The following CLSTN2 variants were observed in gnomAD, a reference collection of about 807,000 sequenced individuals.
CLSTN2 encodes calsyntenin 2, also known as calsyntenin-2.
A neutral mutation model predicts 101.2 loss-of-function variants in CLSTN2; 48 were observed. That is an observed-to-expected ratio of 0.47 (90% confidence interval 0.38 to 0.60). The LOEUF (loss-of-function observed/expected upper bound fraction) is 0.60, where lower values mean the gene tolerates loss of function less well. Among genes scored for constraint, CLSTN2 ranks in the 20% least tolerant of loss-of-function variants. The probability of loss-of-function intolerance (pLI) is 0.00; values close to 1 mark genes in which losing one functional copy is unlikely to be tolerated. For missense variants in CLSTN2, 1,160 were observed against 1,238.2 expected, an observed-to-expected ratio of 0.94 and a Z score of 0.95; for synonymous variants, 481 against 463.6, an observed-to-expected ratio of 1.04 and a Z score of -0.48.
chr3:139,963,073 C>T (rs1236747860), intron 1 of CLSTN2, among the ~76,000 whole-genome samples: 2 of 152,042 alleles, frequency 1.3e-5, no homozygotes, highest in Non-Finnish European at 2.9e-5. Context: ...TTATTCTGGT[C>T]CCCTCATAAA....
At chr3:140,446,179 G>T (rs1933073185) in intron 5 of CLSTN2, among the ~76,000 whole-genome samples, 1 of 152,152 alleles carries the variant, frequency 6.6e-6, no homozygotes, top group African/African-American at 2.4e-5. Flanking sequence ...CCAGTGGTTT[G>T]TCCTTAAGAT....
chr3:140,045,139 G>A (rs1407914735), intron 1 of CLSTN2, among the ~76,000 whole-genome samples: 2 of 152,114 alleles, frequency 1.3e-5, no homozygotes, highest in African/African-American at 2.4e-5. Flanking sequence ...GGTAGAATTC[G>A]GCTGTGAATC....
intron 2 of CLSTN2, among the ~76,000 whole-genome samples, chr3:140,315,815 A>G (rs757009053): frequency 6.6e-6 from 1 of 152,192 alleles, no homozygotes; most frequent in Non-Finnish European, 1.5e-5. Flanking sequence ...CGTTATAATC[A>G]GTTTCCAAAG....
chr3:140,198,492 G>A (rs1204353738), intron 2 of CLSTN2, among the ~76,000 whole-genome samples: 1 of 152,190 alleles, frequency 6.6e-6, no homozygotes, highest in Non-Finnish European at 1.5e-5. Flanking sequence ...CTCACCAGCT[G>A]TTGGCAGAAT....
At chr3:140,043,996 A>T (rs9757326) in intron 1 of CLSTN2, among the ~76,000 whole-genome samples, 121,673 of 152,188 alleles carry the variant, frequency 0.8, 48,818 homozygotes, top group South Asian at 0.86. Context: ...TAGGATTGTC[A>T]TGGCAATGCA....
intron 2 of CLSTN2, among the ~76,000 whole-genome samples, chr3:140,315,542 CT>C (rs1251066532): frequency 6.6e-6 from 1 of 152,230 alleles, no homozygotes; most frequent in African/African-American, 2.4e-5. Context: ...CCTCTTACTA[CT>C]GTGGCTTTTC....
chr3:140,213,198 A>T (rs1384980653), intron 2 of CLSTN2, among the ~76,000 whole-genome samples: 2 of 152,108 alleles, frequency 1.3e-5, no homozygotes, highest in African/African-American at 4.8e-5. Flanking sequence ...CAGTCCCAGG[A>T]TCCTTCCCTA....
At chr3:140,080,891 T>C (rs567391125) in intron 1 of CLSTN2, among the ~76,000 whole-genome samples, 1 of 152,254 alleles carries the variant, frequency 6.6e-6, no homozygotes, top group Admixed American at 6.5e-5. Flanking sequence ...GGTGGAAACT[T>C]CCATCCCACT....
chr3:140,117,024 C>T (rs2009255283), intron 1 of CLSTN2, among the ~76,000 whole-genome samples: 1 of 152,186 alleles, frequency 6.6e-6, no homozygotes, highest in Admixed American at 6.5e-5. Context: ...CCCTGCTCTG[C>T]TGTTCCGGGC....
At chr3:140,269,061 C>T (rs767115015) in intron 2 of CLSTN2, among the ~76,000 whole-genome samples, 2 of 152,170 alleles carry the variant, frequency 1.3e-5, no homozygotes, top group Non-Finnish European at 2.9e-5. Context: ...CTCTTGTCTT[C>T]TTGCTTCTCT....
chr3:140,266,080 A>G (rs1304643843), intron 2 of CLSTN2, among the ~76,000 whole-genome samples: 1 of 152,168 alleles, frequency 6.6e-6, no homozygotes, highest in African/African-American at 2.4e-5. Context: ...ATAGCTCAAC[A>G]TCTGAAACAG....
At chr3:140,030,554 A>G (rs1221050636) in intron 1 of CLSTN2, among the ~76,000 whole-genome samples, 3 of 152,128 alleles carry the variant, frequency 2.0e-5, no homozygotes, top group Admixed American at 6.6e-5. Context: ...CTCAGAGAAC[A>G]CTGGGTGGGA....
intron 1 of CLSTN2, among the ~76,000 whole-genome samples, chr3:140,145,697 A>G (rs1009511169): frequency 6.6e-5 from 10 of 152,240 alleles, no homozygotes; most frequent in Admixed American, 1.3e-4. Context: ...AAATTGTAAC[A>G]TATTTCCAGC....
chr3:140,116,541 C>T (rs1172662621), intron 1 of CLSTN2, among the ~76,000 whole-genome samples: 1 of 152,054 alleles, frequency 6.6e-6, no homozygotes, highest in East Asian at 1.9e-4. Context: ...CAGTGAGGCT[C>T]CTGTGTGCAA....
chr3:140,238,877 G>A (rs951905031), intron 2 of CLSTN2, among the ~76,000 whole-genome samples: 3 of 152,164 alleles, frequency 2.0e-5, no homozygotes, highest in Non-Finnish European at 1.5e-5. Context: ...ATCATAGAAC[G>A]ATTAAGGCAA....
chr3:140,359,369 C>T (rs1020350216), intron 2 of CLSTN2, among the ~76,000 whole-genome samples: 1 of 152,188 alleles, frequency 6.6e-6, no homozygotes, highest in Admixed American at 6.5e-5. Flanking sequence ...CTATGCTTAA[C>T]TAGCTCTTCT....
intron 1 of CLSTN2, among the ~76,000 whole-genome samples, chr3:139,988,610 C>A (rs768494871): frequency 1.6e-4 from 25 of 152,268 alleles, no homozygotes; most frequent in Non-Finnish European, 3.5e-4. Flanking sequence ...AATATGGGTG[C>A]ACTGAGGAGA....
At chr3:140,508,646 C>G (rs1240175835) in intron 8 of CLSTN2, 1 of 152,158 alleles carries the variant, frequency 6.6e-6, no homozygotes, top group Non-Finnish European at 1.5e-5. Flanking sequence ...ATTCCCTTTC[C>G]TAATTGCCAA....
intron 2 of CLSTN2, among the ~76,000 whole-genome samples, chr3:140,192,025 T>C (rs2010572450): frequency 6.6e-6 from 1 of 151,936 alleles, no homozygotes; most frequent in Admixed American, 6.6e-5. Context: ...TTTTGATGTG[T>C]TGTGTTTGTA....
Sources: gnomAD v4.1 joint callset for allele counts (sites outside exome capture counted in the v4.1 genomes callset) on GRCh38, gnomAD v4.1.1 for gene constraint, MANE v1.5 for transcripts, NCBI Gene and HGNC (gene_info 2026-07-23, HGNC 2026-07-21) for gene names.